The following SLC35F1 variants were observed in gnomAD, a reference collection of about 807,000 sequenced individuals.
SLC35F1 encodes the protein solute carrier family 35 member F1.
In SLC35F1, 14 loss-of-function variants were observed where a neutral mutation model predicts 48.7. The ratio of observed to expected loss-of-function variants is 0.29; its 90% CI spans 0.19 to 0.45. The LOEUF (loss-of-function observed/expected upper bound fraction) is 0.45. Among genes scored for constraint, SLC35F1 ranks in the 20% least tolerant of loss-of-function variants. The probability of loss-of-function intolerance (pLI) is 1.00; values close to 1 mark genes in which losing one functional copy is unlikely to be tolerated. For synonymous variants in SLC35F1, 190 were observed against 202.2 expected (o/e 0.94, Z 0.51); for missense variants, 404 against 500.0 (o/e 0.81, Z 1.83).
At chr6:118,072,341 G>A (rs899514114) in intron 1 of SLC35F1, among the ~76,000 whole-genome samples, 3 of 152,062 alleles carry the variant, frequency 2.0e-5, no homozygotes, top group Non-Finnish European at 4.4e-5. Flanking sequence ...GAGGCGGGTG[G>A]ATCATGAGGT....
At chr6:118,127,379 T>C (rs1247536734) in intron 1 of SLC35F1, among the ~76,000 whole-genome samples, 1 of 151,980 alleles carries the variant, frequency 6.6e-6, no homozygotes, top group Non-Finnish European at 1.5e-5. Context: ...TGGATTCGGT[T>C]TGCCAGTATT....
At chr6:118,262,436 C>A (rs138568222) in intron 3 of SLC35F1, among the ~76,000 whole-genome samples, 2 of 152,082 alleles carry the variant, frequency 1.3e-5, no homozygotes, top group Non-Finnish European at 2.9e-5. Flanking sequence ...AATTAAATGA[C>A]GCTTCAATCT....
chr6:118,242,333 A>G (rs1775451549), intron 3 of SLC35F1, among the ~76,000 whole-genome samples: 1 of 152,018 alleles, frequency 6.6e-6, no homozygotes, highest in Non-Finnish European at 1.5e-5. Context: ...AATGTTGAAT[A>G]TCTTTTGAGA....
intron 1 of SLC35F1, among the ~76,000 whole-genome samples, chr6:118,072,954 ATCT>A (rs1156269432): frequency 2.0e-5 from 3 of 152,168 alleles, no homozygotes; most frequent in African/African-American, 7.2e-5. Context: ...GGGGTTCCAC[ATCT>A]TCTGTATTCT....
chr6:118,117,327 C>T (rs926842876), intron 1 of SLC35F1, among the ~76,000 whole-genome samples: 2 of 152,198 alleles, frequency 1.3e-5, no homozygotes, highest in African/African-American at 2.4e-5. Flanking sequence ...TGCAGAGCAG[C>T]TTGCTTCTCC....
intron 1 of SLC35F1, among the ~76,000 whole-genome samples, chr6:118,130,867 A>T (rs1286090487): frequency 6.6e-6 from 1 of 152,190 alleles, no homozygotes; most frequent in Non-Finnish European, 1.5e-5. Flanking sequence ...AACTAAAGCC[A>T]ATAAGGAAGG....
intron 3 of SLC35F1, among the ~76,000 whole-genome samples, chr6:118,243,218 A>G (rs1775463341): frequency 6.6e-6 from 1 of 152,198 alleles, no homozygotes; most frequent in South Asian, 2.1e-4. Context: ...AAGTTGTATC[A>G]AATACAGAGA....
intron 7 of SLC35F1, among the ~76,000 whole-genome samples, chr6:118,290,114 T>G (rs1776102509): frequency 6.6e-6 from 1 of 152,210 alleles, no homozygotes; most frequent in African/African-American, 2.4e-5. Flanking sequence ...TTAACAACCC[T>G]TAATTATTGA....
At chr6:118,217,846 G>A (rs908934913) in intron 2 of SLC35F1, among the ~76,000 whole-genome samples, 2 of 152,132 alleles carry the variant, frequency 1.3e-5, no homozygotes, top group South Asian at 2.1e-4. Flanking sequence ...TTTCTCTCCC[G>A]GAAATTTCAC....
chr6:117,942,691 G>A (rs1169007010), intron 1 of SLC35F1, among the ~76,000 whole-genome samples: 2 of 152,098 alleles, frequency 1.3e-5, no homozygotes, highest in East Asian at 3.9e-4. Context: ...GTCAAATATT[G>A]GCATGACTGA....
chr6:118,288,352 C>G (rs974239768), intron 7 of SLC35F1, among the ~76,000 whole-genome samples: 1 of 152,066 alleles, frequency 6.6e-6, no homozygotes, highest in African/African-American at 2.4e-5. Flanking sequence ...GAACAGCTTG[C>G]TTTTTATACA....
intron 1 of SLC35F1, among the ~76,000 whole-genome samples, chr6:118,006,241 T>A (rs1777173031): frequency 6.6e-6 from 1 of 152,146 alleles, no homozygotes; most frequent in African/African-American, 2.4e-5. Flanking sequence ...TTGAGTGGCA[T>A]AATCATCATT....
rs117098039 is a variant in SLC35F1, at chr6:117,921,345, C to T, written c.173+13446C>T. ...GAATGCACCTGTAGAACAGTCACCCCGTAAGGGGTTTCCCCCCATGTTCCT... is the reference window on the plus strand; with the variant it reads ...GAATGCACCTGTAGAACAGTCACCCTGTAAGGGGTTTCCCCCCATGTTCCT... On this transcript the variant is annotated intron_variant, in intron 1 of 7. Coordinates refer to ENST00000360388, the MANE Select transcript of SLC35F1 (RefSeq NM_001029858.4). Among the ~76,000 whole-genome samples the T allele has an allele frequency of 8.8e-3, 1,344 of 152,318 alleles. 10 individuals are homozygous for T. Among genetic ancestry groups the T allele is most frequent in the Non-Finnish European group, 0.016 (1,063 of 68,018 alleles).
intron 6 of SLC35F1, among the ~76,000 whole-genome samples, chr6:118,278,035 G>T (rs887565692): frequency 3.3e-5 from 5 of 152,208 alleles, no homozygotes; most frequent in African/African-American, 9.7e-5. Context: ...CGAAAGAAAT[G>T]GTTAATTGGT....
At chr6:118,305,347 T>C (rs1239456063) in intron 7 of SLC35F1, among the ~76,000 whole-genome samples, 2 of 151,984 alleles carry the variant, frequency 1.3e-5, no homozygotes, top group Non-Finnish European at 2.9e-5. Context: ...GTCTACTGAC[T>C]TAAATGTCAA....
intron 6 of SLC35F1, among the ~76,000 whole-genome samples, chr6:118,280,164 T>G (rs1416058372): frequency 6.6e-6 from 1 of 152,210 alleles, no homozygotes; most frequent in Non-Finnish European, 1.5e-5. Context: ...AAAGACTGAT[T>G]GTGATTATCT....
intron 1 of SLC35F1, among the ~76,000 whole-genome samples, chr6:117,956,558 C>T (rs956018771): frequency 6.6e-6 from 1 of 152,172 alleles, no homozygotes; most frequent in Non-Finnish European, 1.5e-5. Context: ...TGATAAAACT[C>T]GAGGTTGAAA....
At chr6:118,237,085 G>T (rs1169984877) in intron 3 of SLC35F1, among the ~76,000 whole-genome samples, 5 of 151,868 alleles carry the variant, frequency 3.3e-5, no homozygotes, top group Admixed American at 6.6e-5. Context: ...ATATATTGGG[G>T]GATACTCATA....
At chr6:118,032,363 G>A (rs1233570301) in intron 1 of SLC35F1, among the ~76,000 whole-genome samples, 1 of 152,114 alleles carries the variant, frequency 6.6e-6, no homozygotes, top group African/African-American at 2.4e-5. Context: ...AATTTAGTTA[G>A]TGTATTCATT....
Sources: allele counts gnomAD v4.1 joint callset (sites outside exome capture counted in the v4.1 genomes callset), GRCh38; gene constraint gnomAD v4.1.1; transcripts MANE v1.5; gene names NCBI Gene and HGNC (gene_info 2026-07-23, HGNC 2026-07-21).